The following CADPS2 variants were observed in gnomAD, a reference collection of about 807,000 sequenced individuals.
CADPS2 encodes calcium-dependent secretion activator 2.
A neutral mutation model predicts 172.5 loss-of-function variants in CADPS2; 93 were observed. The observed-to-expected ratio is 0.54, with a 90% CI of 0.46 to 0.64. CADPS2 has a LOEUF of 0.64. CADPS2 is among the 30% of genes least tolerant of loss of function. The pLI is 0.00. For missense variants in CADPS2, 1,420 were observed against 1,565.9 expected (o/e 0.91, Z 1.57); for synonymous variants, 546 against 555.2 (o/e 0.98, Z 0.23).
chr7:122,830,535 G>A (rs1206362087), intron 1 of CADPS2, among the ~76,000 whole-genome samples: 1 of 152,114 alleles, frequency 6.6e-6, no homozygotes, highest in Non-Finnish European at 1.5e-5. Flanking sequence ...AAATTTAATT[G>A]CTCCCATATA....
At chr7:122,461,323 T>A (rs2054401577) in intron 14 of CADPS2, among the ~76,000 whole-genome samples, 1 of 152,178 alleles carries the variant, frequency 6.6e-6, no homozygotes. Flanking sequence ...GATAATGCTA[T>A]TCCAGAACTG....
intron 11 of CADPS2, among the ~76,000 whole-genome samples, chr7:122,487,828 A>AT (rs2057973499): frequency 1.3e-5 from 2 of 152,220 alleles, no homozygotes; most frequent in African/African-American, 4.8e-5. Flanking sequence ...ACCAGGTAAC[A>AT]TAAGACAGAA....
At chr7:122,664,064 C>CAA (rs541690772) in intron 2 of CADPS2, among the ~76,000 whole-genome samples, 7,260 of 84,728 alleles carry the variant, frequency 0.086, 283 homozygotes, top group African/African-American at 0.11. Flanking sequence ...TGTTTATAAG[C>CAA]AAAAAAAAAA....
At chr7:122,418,991 AT>A (rs1026934860) in intron 17 of CADPS2, among the ~76,000 whole-genome samples, 100 of 152,292 alleles carry the variant, frequency 6.6e-4, no homozygotes, top group African/African-American at 2.2e-3. Context: ...CTACCTTAAA[AT>A]TGGACCTTCT....
intron 28 of CADPS2, 142 bp downstream of exon 28, chr7:122,345,432 C>A: frequency 1.8e-6 from 1 of 559,756 alleles, no homozygotes; most frequent in Non-Finnish European, 3.1e-6. Context: ...GCCACTATGC[C>A]TGGCCAGCTT....
chr7:122,477,281 G>A (rs2056806173), intron 12 of CADPS2, among the ~76,000 whole-genome samples: 1 of 152,152 alleles, frequency 6.6e-6, no homozygotes, highest in Non-Finnish European at 1.5e-5. Flanking sequence ...GGGAGGCCGA[G>A]GTGGGTGAAT....
intron 16 of CADPS2, among the ~76,000 whole-genome samples, chr7:122,441,280 A>T (rs1383141443): frequency 6.6e-6 from 1 of 152,196 alleles, no homozygotes; most frequent in Non-Finnish European, 1.5e-5. Flanking sequence ...ACTACCAAAA[A>T]GATGCCATAA....
chr7:122,792,157 C>T (rs1337204599), intron 1 of CADPS2, among the ~76,000 whole-genome samples: 1 of 152,148 alleles, frequency 6.6e-6, no homozygotes, highest in East Asian at 1.9e-4. Context: ...CTGCTAACAT[C>T]CTGAGAAAAG....
At chr7:122,714,411 CATTTT>C (rs1309753447) in intron 2 of CADPS2, among the ~76,000 whole-genome samples, 1 of 151,972 alleles carries the variant, frequency 6.6e-6, no homozygotes, top group East Asian at 1.9e-4. Flanking sequence ...TCCTATGTCT[CATTTT>C]ACTTACATTT....
intron 1 of CADPS2, among the ~76,000 whole-genome samples, chr7:122,878,497 G>A (rs770849040): frequency 5.3e-5 from 8 of 151,610 alleles, no homozygotes; most frequent in South Asian, 2.1e-4. Context: ...AAAATTAGCC[G>A]GGTGCAGTGG....
chr7:122,520,091 T>C (rs2060664934), intron 8 of CADPS2, among the ~76,000 whole-genome samples: 1 of 152,042 alleles, frequency 6.6e-6, no homozygotes, highest in Admixed American at 6.6e-5. Context: ...AGCTTTCATT[T>C]GCAAACAAAA....
At chr7:122,715,385 A>T (rs2089443903) in intron 2 of CADPS2, among the ~76,000 whole-genome samples, 1 of 152,112 alleles carries the variant, frequency 6.6e-6, no homozygotes, top group Non-Finnish European at 1.5e-5. Flanking sequence ...CAGAACGCAG[A>T]TGGCAAAGTG....
intron 16 of CADPS2, among the ~76,000 whole-genome samples, chr7:122,438,969 T>G (rs894167908): frequency 3.9e-5 from 6 of 152,076 alleles, no homozygotes; most frequent in Admixed American, 3.9e-4. Flanking sequence ...TCACTAAATT[T>G]TAATGATTGT....
At chr7:122,723,405 C>G (rs563973568) in intron 2 of CADPS2, among the ~76,000 whole-genome samples, 33 of 152,270 alleles carry the variant, frequency 2.2e-4, no homozygotes, top group African/African-American at 7.7e-4. Context: ...GACATTTATG[C>G]AGCCAAAAGA....
rs757612869 is a variant in CADPS2 at position 122,393,548 on chromosome 7, C to T, written c.2781G>A (p.Leu927=). Residue 927 remains leucine, a synonymous_variant, in exon 21 of 30, where the codon TTG becomes TTA. Coordinates refer to ENST00000449022, the MANE Select transcript of CADPS2 (RefSeq NM_017954.11). Reference sequence around the variant, plus strand: ...CAACCAAGGGTACAAAGATTTCTTGCAAGTGTTTGTGAAATTTTCCATTAC... The same window carrying T: ...CAACCAAGGGTACAAAGATTTCTTGTAAGTGTTTGTGAAATTTTCCATTAC... ...LLCNGKFHKH[L]QEIFVPLVVR... 6.2e-7 allele frequency: 1 copy of T among 1,613,726 alleles called. No homozygotes were observed. The highest frequency in any genetic ancestry group is 8.5e-7 in the Non-Finnish European group (1 of 1,179,812).
chr7:122,515,956 AAAG>A (rs889473885), intron 8 of CADPS2, among the ~76,000 whole-genome samples: 1 of 151,912 alleles, frequency 6.6e-6, no homozygotes, highest in African/African-American at 2.4e-5. Context: ...ACATGCAAAA[AAAG>A]AATAATAATC....
intron 2 of CADPS2, among the ~76,000 whole-genome samples, chr7:122,720,700 AG>A (rs1258541497): frequency 2.0e-5 from 3 of 151,960 alleles, no homozygotes; most frequent in Non-Finnish European, 4.4e-5. Context: ...ACCCCTAAAA[AG>A]GATATACCTC....
chr7:122,460,804 A>G (rs555465548), intron 14 of CADPS2, among the ~76,000 whole-genome samples: 1 of 152,366 alleles, frequency 6.6e-6, no homozygotes, highest in Non-Finnish European at 1.5e-5. Context: ...CAAACAGAAT[A>G]ACAGAATTTC....
chr7:122,753,806 T>C (rs556966998), intron 1 of CADPS2, among the ~76,000 whole-genome samples: 1 of 152,250 alleles, frequency 6.6e-6, no homozygotes, highest in South Asian at 2.1e-4. Flanking sequence ...CATACACACT[T>C]ACTCCCCTAC....
Sources: gnomAD v4.1 joint callset for allele counts (sites outside exome capture counted in the v4.1 genomes callset) on GRCh38, gnomAD v4.1.1 for gene constraint, MANE v1.5 for transcripts, NCBI Gene and HGNC (gene_info 2026-07-23, HGNC 2026-07-21) for gene names.